NAALADL2: variants seen among roughly 807,000 people sequenced by gnomAD.
NAALADL2 encodes N-acetylated alpha-linked acidic dipeptidase like 2.
Under a neutral mutation model 87.2 loss-of-function variants are expected in NAALADL2, and 76 were observed. The ratio of observed to expected loss-of-function variants is 0.87; its 90% CI spans 0.72 to 1.05. The LOEUF is 1.05. NAALADL2 is among the 50% of genes least tolerant of loss of function. The probability of loss-of-function intolerance (pLI) is 0.00; values close to 1 mark genes in which losing one functional copy is unlikely to be tolerated. For synonymous variants in NAALADL2, 354 were observed against 331.0 expected (o/e 1.07, Z -0.75); for missense variants, 1,089 against 945.8 (o/e 1.15, Z -1.99).
chr3:175,654,619 C>T (rs1195480247), intron 11 of NAALADL2, among the ~76,000 whole-genome samples: 1 of 152,134 alleles, frequency 6.6e-6, no homozygotes, highest in Non-Finnish European at 1.5e-5. Flanking sequence ...TCACAAAAAT[C>T]GCAATTGGCA....
intron 2 of NAALADL2, among the ~76,000 whole-genome samples, chr3:174,676,199 A>G (rs902277887): frequency 6.6e-6 from 1 of 152,034 alleles, no homozygotes; most frequent in Non-Finnish European, 1.5e-5. Flanking sequence ...TCTTCACTAG[A>G]TTGAAGTTTC....
chr3:175,393,094 G>A (rs1475337804), intron 5 of NAALADL2, among the ~76,000 whole-genome samples: 1 of 151,550 alleles, frequency 6.6e-6, no homozygotes, highest in Non-Finnish European at 1.5e-5. Flanking sequence ...CTAACAAGGT[G>A]AAACCCCGTC....
At chr3:175,173,320 A>G (rs1735165428) in intron 2 of NAALADL2, among the ~76,000 whole-genome samples, 1 of 115,358 alleles carries the variant, frequency 8.7e-6, no homozygotes, top group Non-Finnish European at 2.1e-5. Context: ...AAATAAATAA[A>G]TAAATAAATA....
At chr3:174,650,707 TAAG>T (rs1724273041) in intron 2 of NAALADL2, among the ~76,000 whole-genome samples, 1 of 152,036 alleles carries the variant, frequency 6.6e-6, no homozygotes, top group Non-Finnish European at 1.5e-5. Context: ...TAGAGGAAAT[TAAG>T]AATGGAAAAA....
intron 4 of NAALADL2, among the ~76,000 whole-genome samples, chr3:175,297,476 A>G (rs1444159499): frequency 6.6e-6 from 1 of 152,192 alleles, no homozygotes; most frequent in Non-Finnish European, 1.5e-5. Context: ...AGCATTTATG[A>G]ACCAGCCATT....
chr3:174,876,308 A>T (rs1353402048), intron 1 of NAALADL2, among the ~76,000 whole-genome samples: 2 of 151,928 alleles, frequency 1.3e-5, no homozygotes, highest in East Asian at 3.9e-4. Flanking sequence ...AGCTGTTGAT[A>T]TTTTCTTTGT....
At chr3:174,926,423 A>G (rs1736045088) in intron 1 of NAALADL2, among the ~76,000 whole-genome samples, 1 of 152,190 alleles carries the variant, frequency 6.6e-6, no homozygotes, top group Non-Finnish European at 1.5e-5. Context: ...CCAAAGTTGA[A>G]ATGAAGGAAA....
intron 1 of NAALADL2, among the ~76,000 whole-genome samples, chr3:174,987,568 CAAAAAAAAAAA>C (rs1159602995): frequency 4.8e-5 from 1 of 20,850 alleles, no homozygotes; most frequent in Non-Finnish European, 1.4e-4. Context: ...GACTCCGTCT[CAAAAAAAAAAA>C]AAAAAAAAAA....
At chr3:174,676,101 T>A (rs1727008837) in intron 2 of NAALADL2, among the ~76,000 whole-genome samples, 1 of 152,084 alleles carries the variant, frequency 6.6e-6, no homozygotes, top group Non-Finnish European at 1.5e-5. Context: ...TTTTTGAAGC[T>A]GATCTTAGAT....
At chr3:174,719,792 CTTAT>C (rs1731534186) in intron 2 of NAALADL2, among the ~76,000 whole-genome samples, 5 of 151,946 alleles carry the variant, frequency 3.3e-5, no homozygotes, top group Admixed American at 1.3e-4. Context: ...TGGCAGTAAA[CTTAT>C]TTATTTATTT....
intron 2 of NAALADL2, among the ~76,000 whole-genome samples, chr3:174,614,544 C>G (rs1720257559): frequency 6.6e-6 from 1 of 152,158 alleles, no homozygotes. Context: ...CAGATTTTCT[C>G]TCCACCACAC....
At chr3:174,879,387 T>G (rs576666073) in intron 1 of NAALADL2, among the ~76,000 whole-genome samples, 27 of 152,188 alleles carry the variant, frequency 1.8e-4, no homozygotes, top group African/African-American at 6.0e-4. Context: ...GCAGAAAGAA[T>G]TAGGTCCTTT....
At chr3:175,561,431 AT>A (rs903172050) in intron 9 of NAALADL2, among the ~76,000 whole-genome samples, 7 of 151,952 alleles carry the variant, frequency 4.6e-5, no homozygotes, top group African/African-American at 1.7e-4. Context: ...ATTGAAACTA[AT>A]TTTTTTTAGT....
chr3:174,961,286 G>C (rs1048294873), intron 1 of NAALADL2, among the ~76,000 whole-genome samples: 1 of 150,972 alleles, frequency 6.6e-6, no homozygotes. Context: ...ACCCACACCT[G>C]GTTGAGAAAA....
Position 175,804,742 on chromosome 3 carries a change from ATAAT to A in NAALADL2, c.*1544_*1547del, listed in dbSNP as rs557970323. The A allele has an allele frequency of 3.3e-5, 5 of 151,810 alleles. No individual in the cohort carries two copies. Among genetic ancestry groups the A allele is most frequent in the African/African-American group, 7.3e-5 (3 of 41,370 alleles). The allele number at this position is 151,810 out of a possible 1,614,324, so 9.4% of individuals were successfully genotyped here. On this transcript the variant is annotated 3_prime_UTR_variant, in exon 14 of 14. Coordinates refer to ENST00000454872, the MANE Select transcript of NAALADL2 (RefSeq NM_207015.3). ...AAAGGCAAACTAAAGTTGAGGGGAAATAATTAATCAATACTGATTAATTGATTTA... is the reference window on the plus strand; with the variant it reads ...AAAGGCAAACTAAAGTTGAGGGGAAATAATCAATACTGATTAATTGATTTA...
In NAALADL2 at chr3:174,917,954, ATGTT is replaced by A. The variant is rs564959972; in HGVS notation, c.43+58508_43+58511del. On this transcript the variant is annotated intron_variant, in intron 1 of 13. Coordinates refer to ENST00000454872, the MANE Select transcript of NAALADL2 (RefSeq NM_207015.3). ...AAAATAGTGTTAAAGATTTTCAAGAATGTTTGTAGAAGTGTATTATAGTATACGA... is the reference window on the plus strand; with the variant it reads ...AAAATAGTGTTAAAGATTTTCAAGAATGTAGAAGTGTATTATAGTATACGA... Among the ~76,000 whole-genome samples the A allele has an allele frequency of 1.5e-4, 23 of 152,246 alleles. 1 individual carries two copies. The highest frequency in any genetic ancestry group is 4.4e-5 in the Non-Finnish European group (3 of 67,974).
At chr3:175,369,680 G>A (rs1366222607) in intron 5 of NAALADL2, 1 of 152,278 alleles carries the variant, frequency 6.6e-6, no homozygotes, top group Non-Finnish European at 1.5e-5. Flanking sequence ...AGAACCAAGA[G>A]CTTGGAACTG....
chr3:174,658,462 A>G (rs903007799), intron 2 of NAALADL2, among the ~76,000 whole-genome samples: 2 of 152,044 alleles, frequency 1.3e-5, no homozygotes, highest in Non-Finnish European at 2.9e-5. Flanking sequence ...TTTTTAAATC[A>G]GGGTTTTTTA....
intron 2 of NAALADL2, among the ~76,000 whole-genome samples, chr3:174,601,837 T>C (rs1718487295): frequency 6.6e-6 from 1 of 152,104 alleles, no homozygotes; most frequent in Non-Finnish European, 1.5e-5. Context: ...GCAAGAGACA[T>C]GGGTCTAGTT....
Sources: gnomAD v4.1 joint callset for allele counts (sites outside exome capture counted in the v4.1 genomes callset) on GRCh38, gnomAD v4.1.1 for gene constraint, MANE v1.5 for transcripts, NCBI Gene and HGNC (gene_info 2026-07-23, HGNC 2026-07-21) for gene names.